FAM229B: variants seen among roughly 807,000 people sequenced by gnomAD.
The protein encoded by FAM229B is protein FAM229B.
A neutral mutation model predicts 6.7 loss-of-function variants in FAM229B; 2 were observed. That is an observed-to-expected ratio of 0.30 (90% CI 0.12 to 0.94). The LOEUF is 0.94. Among genes scored for constraint, FAM229B ranks in the 40% least tolerant of loss-of-function variants. The pLI is 0.54. For synonymous variants in FAM229B, 29 were observed against 34.0 expected (o/e 0.85, Z 0.51); for missense variants, 93 against 96.2 (o/e 0.97, Z 0.14).
chr6:112,099,733 TAAAC>T (rs1241642997), intron 3 of FAM229B, among the ~76,000 whole-genome samples: 2 of 152,200 alleles, frequency 1.3e-5, no homozygotes, highest in East Asian at 3.9e-4. Flanking sequence ...AACATTCAAT[TAAAC>T]AAACAAAACT....
intron 1 of FAM229B, among the ~76,000 whole-genome samples, chr6:112,088,005 G>A (rs1357753286): frequency 6.6e-6 from 1 of 152,200 alleles, no homozygotes; most frequent in Non-Finnish European, 1.5e-5. Context: ...CAAAGCTAAG[G>A]TCACAGACCC....
intron 3 of FAM229B, among the ~76,000 whole-genome samples, chr6:112,100,404 A>G (rs764334065): frequency 1.1e-3 from 160 of 152,322 alleles, no homozygotes; most frequent in Non-Finnish European, 2.0e-3. Flanking sequence ...ATCATTGCAT[A>G]CCTTTCAAAA....
intron 1 of FAM229B, among the ~76,000 whole-genome samples, chr6:112,088,738 A>T (rs1777214732): frequency 6.6e-6 from 1 of 152,176 alleles, no homozygotes; most frequent in Admixed American, 6.5e-5. Flanking sequence ...TGGGCATTTT[A>T]GGTCTTGATG....
chr6:112,094,955 C>T (rs1338581519), intron 1 of FAM229B, among the ~76,000 whole-genome samples: 1 of 152,142 alleles, frequency 6.6e-6, no homozygotes, highest in Non-Finnish European at 1.5e-5. Context: ...AGGTATCATT[C>T]TAATGTTGTA....
chr6:112,090,842 C>A (rs1297386463), intron 1 of FAM229B, among the ~76,000 whole-genome samples: 1 of 152,126 alleles, frequency 6.6e-6, no homozygotes, highest in South Asian at 2.1e-4. Flanking sequence ...ATTTCACATA[C>A]TCAGAATTTT....
intron 1 of FAM229B, among the ~76,000 whole-genome samples, chr6:112,091,104 T>A (rs1181189026): frequency 2.6e-5 from 4 of 152,170 alleles, no homozygotes; most frequent in Non-Finnish European, 5.9e-5. Flanking sequence ...AAGTGGAGTG[T>A]TTCTCTTTCT....
At chr6:112,096,290 C>T (rs1028930441) in intron 1 of FAM229B, among the ~76,000 whole-genome samples, 2 of 152,292 alleles carry the variant, frequency 1.3e-5, no homozygotes, top group East Asian at 1.9e-4. Flanking sequence ...GGCGCGGTGG[C>T]TCACGCCTGT....
chr6:112,093,696 A>G (rs1257892117), intron 1 of FAM229B, among the ~76,000 whole-genome samples: 1 of 152,146 alleles, frequency 6.6e-6, no homozygotes, highest in Non-Finnish European at 1.5e-5. Context: ...ATTAGAAATC[A>G]GTAACAGAAA....
chr6:112,100,761 A>T lies in FAM229B; in HGVS notation c.217A>T (p.Ser73Cys), dbSNP rs587681384. 3.1e-6 allele frequency: 5 copies of T among 1,613,946 alleles called. No individual in the cohort carries two copies. In the South Asian group the frequency reaches 4.4e-5, roughly 14 times the overall value. Residue 73 changes from serine (S) to cysteine (C), a missense_variant, in exon 4 of 4, where the codon AGC (serine) becomes TGC (cysteine). Physicochemically the swap from Ser to Cys is moderately radical, Grantham distance 112 (BLOSUM62 -1). Coordinates refer to ENST00000368656, the MANE Select transcript of FAM229B (RefSeq NM_001033564.3). ...AACAACGAGAAAGCCACCTGCACAA[A>T]GCAGCAAGGAAATGCATCCTAAATA... ...YATTRKPPAQ[S>C]SKEMHPK
chr6:112,100,646 C>A (rs1348591528), intron 3 of FAM229B, 24 bp from the exon 4 acceptor site: 1 of 1,499,522 alleles, frequency 6.7e-7, no homozygotes, highest in Non-Finnish European at 9.3e-7. Context: ...TATCTAACTA[C>A]ATGTCATCTG....
At chr6:112,091,978 A>G (rs1297501096) in intron 1 of FAM229B, among the ~76,000 whole-genome samples, 3 of 152,114 alleles carry the variant, frequency 2.0e-5, no homozygotes, top group Non-Finnish European at 4.4e-5. Context: ...ACATTAGGCA[A>G]AAGAAAAGAT....
intron 1 of FAM229B, among the ~76,000 whole-genome samples, chr6:112,090,971 A>G (rs2114501624): frequency 6.6e-6 from 1 of 152,064 alleles, no homozygotes; most frequent in East Asian, 1.9e-4. Flanking sequence ...ACTGAAACTT[A>G]TTGTATCCGT....
In FAM229B at chr6:112,096,146, G is replaced by T. The variant is rs376867277; in HGVS notation, c.-175-895G>T. ...TACTGAGTAGAGGAGAAGTTCATGAGGTGGGCTATTGATCTAGAAGCCAAG... is the reference window on the plus strand; with the variant it reads ...TACTGAGTAGAGGAGAAGTTCATGATGTGGGCTATTGATCTAGAAGCCAAG... On this transcript the variant is annotated intron_variant, in intron 1 of 3. Transcript: ENST00000368656. Among the ~76,000 whole-genome samples, 4 of 152,308 alleles carry T rather than the reference G, an allele frequency of 2.6e-5. No individual in the cohort carries two copies. In the South Asian group the frequency reaches 8.3e-4, roughly 32 times the overall value.
intron 1 of FAM229B, among the ~76,000 whole-genome samples, chr6:112,092,468 T>G (rs1047993706): frequency 1.3e-5 from 2 of 151,922 alleles, no homozygotes; most frequent in Admixed American, 1.3e-4. Flanking sequence ...AGTTAAAATA[T>G]TGTTCCACAA....
At chr6:112,095,114 A>G (rs6933385) in intron 1 of FAM229B, among the ~76,000 whole-genome samples, 46,311 of 152,032 alleles carry the variant, frequency 0.3, 7,563 homozygotes, top group African/African-American at 0.43. Context: ...ATATATATCC[A>G]TGACTAAAAG....
chr6:112,098,359 C>A (rs1370247343), intron 2 of FAM229B, among the ~76,000 whole-genome samples: 1 of 152,070 alleles, frequency 6.6e-6, no homozygotes, highest in African/African-American at 2.4e-5. Flanking sequence ...GTGTGTATTT[C>A]ATAATAAATT....
intron 3 of FAM229B, among the ~76,000 whole-genome samples, chr6:112,099,954 T>C (rs935513524): frequency 3.3e-5 from 5 of 152,232 alleles, no homozygotes; most frequent in Non-Finnish European, 7.3e-5. Flanking sequence ...CTCTGATGTT[T>C]ACCATAGCAA....
intron 1 of FAM229B, among the ~76,000 whole-genome samples, chr6:112,092,419 C>T (rs1384448848): frequency 1.3e-5 from 2 of 151,932 alleles, no homozygotes; most frequent in African/African-American, 4.8e-5. Context: ...TTTAAAGTAC[C>T]TAAAGAAAAC....
chr6:112,091,876 A>G lies in FAM229B; in HGVS notation c.-176+4156A>G, dbSNP rs587667715. On this transcript the variant is annotated intron_variant, in intron 1 of 3. Transcript: ENST00000368656. ...AGCCCAGGCAGACTGAGAAGGGACA[A>G]AGAAATATGAAAAAGAGATCCCAAT... 1.8e-3 allele frequency among the ~76,000 whole-genome samples: 262 copies of G among 143,010 alleles called. 4 individuals carry two copies. Among genetic ancestry groups the G allele is most frequent in the African/African-American group, 6.4e-3 (256 of 40,276 alleles). 93.8% of individuals were successfully genotyped at this position (143,010 alleles called of 152,430 possible).
Sources: allele counts gnomAD v4.1 joint callset (sites outside exome capture counted in the v4.1 genomes callset), GRCh38; gene constraint gnomAD v4.1.1; transcripts MANE v1.5; gene names NCBI Gene and HGNC (gene_info 2026-07-23, HGNC 2026-07-21).